RBFOX3: variants seen among roughly 807,000 people sequenced by gnomAD.
The protein encoded by RBFOX3 is RNA binding protein fox-1 homolog 3.
A neutral mutation model predicts 48.7 loss-of-function variants in RBFOX3; 17 were observed. The observed-to-expected ratio is 0.35, with a 90% CI of 0.24 to 0.52. The LOEUF (loss-of-function observed/expected upper bound fraction) is 0.52, where lower values mean the gene tolerates loss of function less well. Ranked by LOEUF, RBFOX3 falls within the 20% of genes least tolerant of loss-of-function variation. RBFOX3 has a pLI of 0.94. For missense variants in RBFOX3, 382 were observed against 497.5 expected, an observed-to-expected ratio of 0.77 and a Z score of 2.21; for synonymous variants, 212 against 209.5, an observed-to-expected ratio of 1.01 and a Z score of -0.10.
intron 2 of RBFOX3, among the ~76,000 whole-genome samples, chr17:79,388,693 GGC>G (rs908549844): frequency 2.0e-5 from 3 of 152,098 alleles, no homozygotes; most frequent in Non-Finnish European, 2.9e-5. Context: ...TCCACGTCCC[GGC>G]CAGGGTTCCC....
intron 3 of RBFOX3, among the ~76,000 whole-genome samples, chr17:79,245,603 C>A (rs1186166433): frequency 1.3e-5 from 2 of 148,232 alleles, no homozygotes; most frequent in Admixed American, 1.3e-4. Flanking sequence ...TTTTGTTTAT[C>A]CATTCGTCTG....
intron 4 of RBFOX3, among the ~76,000 whole-genome samples, chr17:79,159,749 C>T (rs1338256071): frequency 2.2e-5 from 3 of 136,704 alleles, no homozygotes; most frequent in Non-Finnish European, 4.6e-5. Context: ...ATTGGTCACA[C>T]ACATGTCCAC....
chr17:79,406,534 C>T lies in RBFOX3; in HGVS notation c.-175+75920G>A, dbSNP rs185587537. 2.8e-4 allele frequency among the ~76,000 whole-genome samples: 42 copies of T among 152,306 alleles called. No individual in the cohort carries two copies. In the East Asian group the frequency reaches 6.4e-3, roughly 23 times the overall value. ...TTCTCCCGCCAGGAAATCCCTGACT[C>T]ACTTCTAATTGCCGGGAATTGTGGA... On this transcript the variant is annotated intron_variant, in intron 2 of 14. Transcript: ENST00000693108.
chr17:79,323,282 A>G (rs547062724), intron 2 of RBFOX3, among the ~76,000 whole-genome samples: 33 of 152,334 alleles, frequency 2.2e-4, no homozygotes, highest in Non-Finnish European at 4.0e-4. Context: ...GGGCATCTCA[A>G]GAAAGCTCCC....
At chr17:79,375,812 G>A (rs982593664) in intron 2 of RBFOX3, among the ~76,000 whole-genome samples, 3 of 152,346 alleles carry the variant, frequency 2.0e-5, no homozygotes, top group Non-Finnish European at 4.4e-5. Context: ...TCCATGACAA[G>A]GTGAGCCTGC....
chr17:79,354,162 G>C (rs8071386), intron 2 of RBFOX3, among the ~76,000 whole-genome samples: 2 of 152,098 alleles, frequency 1.3e-5, no homozygotes, highest in African/African-American at 4.8e-5. Context: ...TACGGACAAC[G>C]TCATTGTCAC....
At chr17:79,151,912 AGGC>A in intron 4 of RBFOX3, among the ~76,000 whole-genome samples, 1 of 18,076 alleles carries the variant, frequency 5.5e-5, no homozygotes, top group Non-Finnish European at 1.4e-4. Flanking sequence ...GGAGGAGGGG[AGGC>A]GAGGATGGGA....
intron 4 of RBFOX3, among the ~76,000 whole-genome samples, chr17:79,184,865 C>T (rs991923896): frequency 1.3e-5 from 2 of 152,000 alleles, no homozygotes; most frequent in African/African-American, 4.8e-5. Flanking sequence ...TCAGGAAGGT[C>T]GATTGTCCCC....
the RBFOX3 span, among the ~76,000 whole-genome samples, chr17:79,653,346 T>G: frequency 6.6e-6 from 1 of 152,180 alleles, no homozygotes; most frequent in Non-Finnish European, 1.5e-5. Flanking sequence ...GGCTAAGATG[T>G]GTTGACTACG....
At chr17:79,569,833 C>T (rs1162523194) in intron 1 of RBFOX3, among the ~76,000 whole-genome samples, 6 of 149,116 alleles carry the variant, frequency 4.0e-5, no homozygotes, top group South Asian at 2.2e-4. Flanking sequence ...GGATGGTGAA[C>T]GGGCAGATGG....
rs553745931 is a variant in RBFOX3, at chr17:79,172,801, G to A, written c.-33-57053C>T. On this transcript the variant is annotated intron_variant, in intron 4 of 14. Coordinates refer to ENST00000693108, the MANE Select transcript of RBFOX3 (RefSeq NM_001350451.2). ...ACAGTACAGACACAAGAATGTTAAC[G>A]ATCTCTCATAGTTTATCTCATCCTG... is the stretch of plus-strand genomic sequence containing the variant. Among the ~76,000 whole-genome samples, 13 of 152,298 alleles carry A rather than the reference G, an allele frequency of 8.5e-5. No homozygotes were observed. The East Asian group carries it at 2.3e-3, about 27-fold the overall frequency.
At chr17:79,320,404 C>A (rs1306535917) in intron 2 of RBFOX3, among the ~76,000 whole-genome samples, 1 of 152,260 alleles carries the variant, frequency 6.6e-6, no homozygotes. Context: ...CCACGTCGTG[C>A]CACTTGGGGC....
intron 1 of RBFOX3, among the ~76,000 whole-genome samples, chr17:79,603,136 G>A (rs941992984): frequency 6.6e-4 from 100 of 152,062 alleles, no homozygotes; most frequent in African/African-American, 1.9e-3. Flanking sequence ...GATTATAGGC[G>A]TGCACCATCA....
At chr17:79,273,117 C>T (rs987164708) in intron 3 of RBFOX3, among the ~76,000 whole-genome samples, 2 of 152,076 alleles carry the variant, frequency 1.3e-5, no homozygotes, top group African/African-American at 4.8e-5. Flanking sequence ...ACCAGGAGTC[C>T]CTGGCGGAAT....
chr17:79,372,151 T>C (rs62063968), intron 2 of RBFOX3, among the ~76,000 whole-genome samples: 26,585 of 152,056 alleles, frequency 0.17, 2,723 homozygotes, highest in East Asian at 0.37. Context: ...TGCCCGGTGC[T>C]GTGAGGGCTC....
At chr17:79,430,303 A>AATAT (rs1300063226) in intron 2 of RBFOX3, among the ~76,000 whole-genome samples, 3 of 151,848 alleles carry the variant, frequency 2.0e-5, no homozygotes, top group African/African-American at 7.3e-5. Context: ...TAAATAAATA[A>AATAT]ATAAAGCAGA....
intron 2 of RBFOX3, among the ~76,000 whole-genome samples, chr17:79,409,379 C>T (rs985713931): frequency 5.3e-5 from 8 of 152,182 alleles, no homozygotes; most frequent in Non-Finnish European, 7.3e-5. Flanking sequence ...GCGAGACGGC[C>T]GGGTTGTGTG....
At chr17:79,124,117 C>T (rs9915970) in intron 4 of RBFOX3, among the ~76,000 whole-genome samples, 6,297 of 152,324 alleles carry the variant, frequency 0.041, 168 homozygotes, top group Middle Eastern at 0.092. Context: ...ACTGGGCATG[C>T]TCTTTACAAC....
intron 2 of RBFOX3, among the ~76,000 whole-genome samples, chr17:79,457,550 C>T (rs1309563500): frequency 6.6e-6 from 1 of 152,192 alleles, no homozygotes; most frequent in African/African-American, 2.4e-5. Context: ...CCAGCAGCCC[C>T]GTGTAGATGC....
Sources: allele counts gnomAD v4.1 joint callset (sites outside exome capture counted in the v4.1 genomes callset), GRCh38; gene constraint gnomAD v4.1.1; transcripts MANE v1.5; gene names NCBI Gene and HGNC (gene_info 2026-07-23, HGNC 2026-07-21).